NAB1: variants seen among roughly 807,000 people sequenced by gnomAD.
NAB1 encodes the protein NGFI-A binding protein 1.
In NAB1, 25 loss-of-function variants were observed where a neutral mutation model predicts 49.9. The observed-to-expected ratio is 0.50, with a 90% CI of 0.37 to 0.70. NAB1 has a LOEUF of 0.70. Ranked by LOEUF, NAB1 falls within the 30% of genes least tolerant of loss-of-function variation. The probability of loss-of-function intolerance (pLI) is 0.00; values close to 1 mark genes in which losing one functional copy is unlikely to be tolerated. For missense variants in NAB1, 489 were observed against 575.9 expected, an observed-to-expected ratio of 0.85 and a Z score of 1.54; for synonymous variants, 198 against 215.6, an observed-to-expected ratio of 0.92 and a Z score of 0.71.
intron 6 of NAB1, 127 bp downstream of exon 6, chr2:190,673,279 A>G (rs1272364734): frequency 1.2e-6 from 1 of 815,824 alleles, no homozygotes; most frequent in Non-Finnish European, 2.0e-6. Flanking sequence ...CTTTCAATAA[A>G]TCTTTTAAAA....
chr2:190,658,423 ACT>A (rs1694041532), intron 3 of NAB1, among the ~76,000 whole-genome samples: 1 of 151,952 alleles, frequency 6.6e-6, no homozygotes, highest in African/African-American at 2.4e-5. Context: ...GTCACCTGTA[ACT>A]CTTCCCTTAA....
intron 9 of NAB1, among the ~76,000 whole-genome samples, chr2:190,688,007 C>T (rs16832829): frequency 0.23 from 34,577 of 152,090 alleles, 4,047 homozygotes; most frequent in Middle Eastern, 0.25. Flanking sequence ...AAAGGATGAG[C>T]AGCTCCTTAT....
intron 4 of NAB1, among the ~76,000 whole-genome samples, chr2:190,660,264 A>C (rs1694154386): frequency 6.6e-6 from 1 of 152,244 alleles, no homozygotes; most frequent in Non-Finnish European, 1.5e-5. Flanking sequence ...TAAGCAGTGA[A>C]AGCGTAAAGT....
At position 190,659,598 on chromosome 2, in the gene NAB1, A is replaced by C; in HGVS notation, c.422A>C (p.Gln141Pro). The change falls in exon 4 of 10, where the codon CAG becomes CCG. Residue 141 changes from glutamine (Q) to proline (P), a missense_variant. Coordinates refer to ENST00000337386, the MANE Select transcript of NAB1 (RefSeq NM_005966.4). This position sits in a 1 kb window ranked among gnomAD's most constrained non-coding sequence, Gnocchi z 6.2. ...AATTCVQSLG[Q>P]GKSDVVGSLA... ...ACCACCTGTGTGCAGAGCTTGGGACAGGGGAAGTCAGATGTGGTTGGGAGC... is the reference window on the plus strand; with the variant it reads ...ACCACCTGTGTGCAGAGCTTGGGACCGGGGAAGTCAGATGTGGTTGGGAGC... 6.2e-7 allele frequency: 1 copy of C among 1,614,224 alleles called. No individual in the cohort carries two copies. Among genetic ancestry groups the C allele is most frequent in the Non-Finnish European group, 8.5e-7 (1 of 1,180,038 alleles).
chr2:190,670,557 T>G lies in NAB1; in HGVS notation c.953+98T>G, dbSNP rs1281994052. On this transcript the variant is annotated intron_variant, in intron 5 of 9. Transcript: ENST00000337386. The surrounding 1 kb of genome is among the most constrained non-coding windows in gnomAD (Gnocchi z 5.3). ...TAGAATATAAGCATTTCTGAAAAAG[T>G]GGAAGTATGATTATTGTTCTATGAA... 5 of 1,305,864 alleles carry G rather than the reference T, an allele frequency of 3.8e-6. No individual in the cohort carries two copies. The African/African-American group carries it at 6.0e-5, about 16-fold the overall frequency. 80.9% of individuals were successfully genotyped at this position (1,305,864 alleles called of 1,614,324 possible).
chr2:190,655,214 CTATT>C (rs1480532814), intron 2 of NAB1, among the ~76,000 whole-genome samples: 2 of 152,216 alleles, frequency 1.3e-5, no homozygotes, highest in Non-Finnish European at 2.9e-5. Context: ...ACAGAAGTGT[CTATT>C]TACCTTCATT....
Position 190,690,286 on chromosome 2 carries a change from A to C in NAB1, c.1417A>C (p.Thr473Pro), listed in dbSNP as rs1242916825. Residue 473 changes from threonine to proline, a missense_variant, in exon 10 of 10, where the codon ACC becomes CCC. By Grantham distance (38) the Thr-to-Pro change is conservative. Transcript: ENST00000337386. ...AAAAGACTACCCTCATTCAGCTTTT[A>C]CCTTAGAAAAGAAAGTCATCAAAAC... ...ILKDYPHSAF[T>P]LEKKVIKTEP... 2 of 1,613,078 alleles carry C rather than the reference A, an allele frequency of 1.2e-6. No homozygotes were observed. The highest frequency in any genetic ancestry group is 2.2e-5 in the East Asian group (1 of 44,788).
chr2:190,659,135 A>ACT lies in NAB1; in HGVS notation c.-19-22_-19-21dup. 1 of 1,194,058 alleles carries ACT rather than the reference A, an allele frequency of 8.4e-7. No homozygotes were observed. Among genetic ancestry groups the ACT allele is most frequent in the South Asian group, 1.4e-5 (1 of 70,296 alleles). The allele number at this position is 1,194,058 out of a possible 1,614,324, so 74.0% of individuals were successfully genotyped here. Reference sequence around the variant, plus strand: ...TTTGAAGCAAGTATGATGAGTTTTTACTTTTTTTTTTTTTTTTGGCAGGTT... The same window carrying ACT: ...TTTGAAGCAAGTATGATGAGTTTTTACTCTTTTTTTTTTTTTTTTGGCAGGTT... On this transcript the variant is annotated intron_variant, in intron 3 of 9. Coordinates refer to ENST00000337386, the MANE Select transcript of NAB1 (RefSeq NM_005966.4). This position sits in a 1 kb window ranked among gnomAD's most constrained non-coding sequence, Gnocchi z 6.2.
At chr2:190,673,232 G>C in intron 6 of NAB1, 80 bp downstream of exon 6, 1 of 1,328,388 alleles carries the variant, frequency 7.5e-7, no homozygotes, top group Non-Finnish European at 1.1e-6. Context: ...AACTAGTTCA[G>C]ACAAAAAAGA....
At chr2:190,688,216 G>A (rs534553725) in intron 9 of NAB1, among the ~76,000 whole-genome samples, 1 of 152,280 alleles carries the variant, frequency 6.6e-6, no homozygotes, top group South Asian at 2.1e-4. Flanking sequence ...AATTTGCATT[G>A]TAAGTCAGCG....
intron 3 of NAB1, among the ~76,000 whole-genome samples, chr2:190,658,483 T>G (rs1280941590): frequency 6.6e-6 from 1 of 152,232 alleles, no homozygotes; most frequent in Admixed American, 6.5e-5. Context: ...TCAATAAATG[T>G]CAATAAAGAG....
rs962626424 is a variant in NAB1, at chr2:190,682,430, A to G, written c.1006-1308A>G. Among the ~76,000 whole-genome samples, 1 of 152,220 alleles carries G rather than the reference A, an allele frequency of 6.6e-6. No individual in the cohort carries two copies. Among genetic ancestry groups the G allele is most frequent in the African/African-American group, 2.4e-5 (1 of 41,452 alleles). On this transcript the variant is annotated intron_variant, in intron 6 of 9. Transcript: ENST00000337386. The surrounding 1 kb of genome is among the most constrained non-coding windows in gnomAD (Gnocchi z 4.1). ...GAATTCCAAAGCTCCATTTCCTGTC[A>G]TAGGTTATGATAAAGGTGAAATCGC...
rs1694755719 is a variant in NAB1 at position 190,670,621 on chromosome 2, G to T, written c.953+162G>T. Among the ~76,000 whole-genome samples the T allele has an allele frequency of 1.3e-5, 2 of 152,180 alleles. No homozygotes were observed. Among genetic ancestry groups the T allele is most frequent in the South Asian group, 4.1e-4 (2 of 4,828 alleles). Reference sequence around the variant, plus strand: ...GTGATTTTGAAAACATTGCCAAGGTGATTTTTGTTGTTTAATTCTCACTGT... The same window carrying T: ...GTGATTTTGAAAACATTGCCAAGGTTATTTTTGTTGTTTAATTCTCACTGT... On this transcript the variant is annotated intron_variant, in intron 5 of 9. Coordinates refer to ENST00000337386, the MANE Select transcript of NAB1 (RefSeq NM_005966.4). This position sits in a 1 kb window ranked among gnomAD's most constrained non-coding sequence, Gnocchi z 5.3.
rs1333746783 is a variant in NAB1, at chr2:190,682,313, A to G, written c.1006-1425A>G. Among the ~76,000 whole-genome samples the G allele has an allele frequency of 6.6e-6, 1 of 152,194 alleles. No homozygotes were observed. Among genetic ancestry groups the G allele is most frequent in the Admixed American group, 6.5e-5 (1 of 15,284 alleles). The stretch of plus-strand genomic sequence containing the variant: ...ACAATCCTAATAGATAGGTTCTCCT[A>G]TCCTCAATTTTCCTGTGAGGAAACT... On this transcript the variant is annotated intron_variant, in intron 6 of 9. Coordinates refer to ENST00000337386, the MANE Select transcript of NAB1 (RefSeq NM_005966.4). The surrounding 1 kb of genome is among the most constrained non-coding windows in gnomAD (Gnocchi z 4.1).
rs1695080782 is a variant in NAB1 at position 190,676,534 on chromosome 2, G to A, written c.1005+3382G>A. 6.6e-6 allele frequency among the ~76,000 whole-genome samples: 1 copy of A among 152,100 alleles called. No homozygotes were observed. The highest frequency in any genetic ancestry group is 6.5e-5 in the Admixed American group (1 of 15,274). ...GCTTGAGTCCAGGAGTTTGAGACCA[G>A]CCTGGGCAACATGGCAAAACCCCAT... On this transcript the variant is annotated intron_variant, in intron 6 of 9. Transcript: ENST00000337386. This position sits in a 1 kb window ranked among gnomAD's most constrained non-coding sequence, Gnocchi z 4.6.
In NAB1 at chr2:190,686,444, G is replaced by A. The variant is rs1427075135; in HGVS notation, c.1259-757G>A. 6.6e-6 allele frequency among the ~76,000 whole-genome samples: 1 copy of A among 152,056 alleles called. No homozygotes were observed. The highest frequency in any genetic ancestry group is 1.5e-5 in the Non-Finnish European group (1 of 68,006). On this transcript the variant is annotated intron_variant, in intron 8 of 9. Transcript: ENST00000337386. The surrounding 1 kb of genome is among the most constrained non-coding windows in gnomAD (Gnocchi z 5.5). ...GGTTATTATTGTAAAAAAATAAAAG[G>A]ATTCCTAGGTAAGGATACCATCTTA...
chr2:190,687,342 G>A, intron 9 of NAB1, 25 bp downstream of exon 9: 1 of 1,181,182 alleles, frequency 8.5e-7, no homozygotes, highest in Non-Finnish European at 1.2e-6. Context: ...TATGATGAGA[G>A]GGTAACACTT....
chr2:190,673,863 T>A (rs1319504933), intron 6 of NAB1, among the ~76,000 whole-genome samples: 1 of 152,206 alleles, frequency 6.6e-6, no homozygotes, highest in African/African-American at 2.4e-5. Flanking sequence ...TCAGAACTAT[T>A]GTTTCTTACA....
At position 190,685,623 on chromosome 2, in the gene NAB1, A is replaced by G; in HGVS notation, c.1243A>G (p.Asn415Asp). 1.2e-6 allele frequency: 2 copies of G among 1,609,140 alleles called. No individual in the cohort carries two copies. The highest frequency in any genetic ancestry group is 1.7e-6 in the Non-Finnish European group (2 of 1,178,154). ...CAGTCCTAACGGCTTGACTTCCGAT[A>G]ACTCAGATGGACAAGGTACATCTTT... ...EHSPNGLTSDNSDGQGERPLN... is the reference protein window; with the variant it reads ...EHSPNGLTSDDSDGQGERPLN... Residue 415 changes from asparagine to aspartate, a missense_variant, in exon 8 of 10, where the codon AAC becomes GAC. By Grantham distance (23) the Asn-to-Asp change is conservative. Transcript: ENST00000337386. The surrounding 1 kb of genome is among the most constrained non-coding windows in gnomAD (Gnocchi z 4.5).
Sources: gnomAD v4.1 joint callset for allele counts (sites outside exome capture counted in the v4.1 genomes callset) on GRCh38, gnomAD v4.1.1 for gene constraint, Gnocchi (gnomAD v3.1) non-coding constraint, MANE v1.5 for transcripts, NCBI Gene and HGNC (gene_info 2026-07-23, HGNC 2026-07-21) for gene names.